ABCC1: variants seen among roughly 807,000 people sequenced by gnomAD.
ABCC1 encodes multidrug resistance-associated protein 1.
Under a neutral mutation model 172.9 loss-of-function variants are expected in ABCC1, and 83 were observed. That is an observed-to-expected ratio of 0.48 (90% CI 0.40 to 0.58). ABCC1 has a LOEUF of 0.58. Ranked by LOEUF, ABCC1 falls within the 20% of genes least tolerant of loss-of-function variation. The pLI, the probability that ABCC1 is intolerant of heterozygous loss-of-function variation, is 0.00. For synonymous variants in ABCC1, 937 were observed against 825.2 expected (o/e 1.14, Z -2.32); for missense variants, 1,817 against 2,002.7 (o/e 0.91, Z 1.77).
intron 18 of ABCC1, among the ~76,000 whole-genome samples, chr16:16,089,049 G>C (rs1227601358): frequency 1.3e-5 from 2 of 152,126 alleles, no homozygotes; most frequent in Non-Finnish European, 2.9e-5. Flanking sequence ...CAACTCGGCA[G>C]GGCTGAGTTG....
chr16:15,969,928 CT>C (rs1435695793), intron 1 of ABCC1, among the ~76,000 whole-genome samples: 1 of 152,072 alleles, frequency 6.6e-6, no homozygotes, highest in African/African-American at 2.4e-5. Flanking sequence ...GGTTCCCTGC[CT>C]TCCTTGAGCC....
intron 22 of ABCC1, 66 bp from the exon 23 acceptor site, chr16:16,114,700 T>C: frequency 6.8e-7 from 1 of 1,476,888 alleles, no homozygotes; most frequent in Admixed American, 2.1e-5. Context: ...ACATGGCCAC[T>C]CCTCCCTGCA....
At chr16:16,125,625 G>C (rs944116036) in intron 25 of ABCC1, among the ~76,000 whole-genome samples, 185 bp from the exon 26 acceptor site, 3 of 151,206 alleles carry the variant, frequency 2.0e-5, no homozygotes, top group African/African-American at 4.9e-5. Context: ...GACTGATGGG[G>C]TTTCGCCACA....
At chr16:16,047,857 C>T (rs745355417) in intron 9 of ABCC1, among the ~76,000 whole-genome samples, 6 of 150,904 alleles carry the variant, frequency 4.0e-5, no homozygotes, top group African/African-American at 4.9e-5. Context: ...AAAACCCGGC[C>T]GCATGTGTGC....
At chr16:15,957,032 A>C (rs2046013045) in intron 1 of ABCC1, among the ~76,000 whole-genome samples, 1 of 152,130 alleles carries the variant, frequency 6.6e-6, no homozygotes, top group Non-Finnish European at 1.5e-5. Flanking sequence ...TCTGGAATGA[A>C]CACTCAGATA....
intron 5 of ABCC1, among the ~76,000 whole-genome samples, chr16:16,029,077 C>T (rs1016717192): frequency 6.6e-6 from 1 of 152,198 alleles, no homozygotes; most frequent in African/African-American, 2.4e-5. Context: ...CTGGGAACTT[C>T]ATCACCCCTC....
intron 29 of ABCC1, among the ~76,000 whole-genome samples, chr16:16,137,799 C>T (rs1018254224): frequency 3.3e-5 from 5 of 151,990 alleles, no homozygotes; most frequent in East Asian, 1.9e-4. Flanking sequence ...GCGATCCACC[C>T]GCCTTAGCCT....
At chr16:15,964,839 A>G (rs1182608236) in intron 1 of ABCC1, among the ~76,000 whole-genome samples, 1 of 152,160 alleles carries the variant, frequency 6.6e-6, no homozygotes, top group Non-Finnish European at 1.5e-5. Flanking sequence ...CTGCATTTCA[A>G]TTACAATTAG....
chr16:15,966,459 G>A (rs560765412), intron 1 of ABCC1, among the ~76,000 whole-genome samples: 2 of 150,732 alleles, frequency 1.3e-5, no homozygotes, highest in African/African-American at 4.9e-5. Context: ...CATCAGCCTT[G>A]TAAGGCTGGA....
chr16:16,081,753 C>T (rs527630998), intron 16 of ABCC1, among the ~76,000 whole-genome samples: 1 of 152,300 alleles, frequency 6.6e-6, no homozygotes, highest in Non-Finnish European at 1.5e-5. Context: ...GGCGCGGTGG[C>T]TCACATCTGT....
rs1050192834 is a variant in ABCC1, at chr16:15,962,355, C to G, written c.48+12556C>G. On this transcript the variant is annotated intron_variant, in intron 1 of 30. Coordinates refer to ENST00000399410, the MANE Select transcript of ABCC1 (RefSeq NM_004996.4). ...TGATAGTCTCACCATGCTAATGTCACTCTGATTTTTACACCTAAACTAATT... is the reference window on the plus strand; with the variant it reads ...TGATAGTCTCACCATGCTAATGTCAGTCTGATTTTTACACCTAAACTAATT... 1.1e-4 allele frequency among the ~76,000 whole-genome samples: 16 copies of G among 152,312 alleles called. No individual in the cohort carries two copies. The South Asian group carries it at 1.7e-3, about 16-fold the overall frequency.
At position 16,133,248 on chromosome 16, in the gene ABCC1, G is replaced by A. The variant is rs758258149; in HGVS notation, c.3967-1102G>A. 5.3e-5 allele frequency among the ~76,000 whole-genome samples: 8 copies of A among 152,292 alleles called. 1 individual carries two copies. In the South Asian group the frequency reaches 1.5e-3, roughly 28 times the overall value. ...GGGGGACAAGGCTGCTTTCACCTCT[G>A]AACATATGGACTTATTGAACTGTTC... On this transcript the variant is annotated intron_variant, in intron 27 of 30. Coordinates refer to ENST00000399410, the MANE Select transcript of ABCC1 (RefSeq NM_004996.4).
Position 16,038,157 on chromosome 16 carries a change from TGATA to T in ABCC1, c.809+1562_809+1565del, listed in dbSNP as rs575988810. Among the ~76,000 whole-genome samples, 54 of 152,006 alleles carry T rather than the reference TGATA, an allele frequency of 3.6e-4. No homozygotes were observed. The East Asian group carries it at 6.8e-3, about 19-fold the overall frequency. On this transcript the variant is annotated intron_variant, in intron 7 of 30. Coordinates refer to ENST00000399410, the MANE Select transcript of ABCC1 (RefSeq NM_004996.4). ...TATACATGGTAGGTAGATGGATAGA[TGATA>T]GATAGATGGATGATTGATAGATGAT...
intron 7 of ABCC1, among the ~76,000 whole-genome samples, chr16:16,043,154 C>T (rs2049043409): frequency 6.6e-6 from 1 of 150,980 alleles, no homozygotes. Flanking sequence ...TGAACCACTG[C>T]ACCCAGTCAA....
At chr16:15,982,645 C>CAA (rs35126918) in intron 1 of ABCC1, among the ~76,000 whole-genome samples, 146 of 130,042 alleles carry the variant, frequency 1.1e-3, no homozygotes, top group African/African-American at 4.0e-3. Flanking sequence ...CTGTCTCTAC[C>CAA]AAAAAAAAAA....
At chr16:16,066,909 A>T (rs987988504) in intron 12 of ABCC1, among the ~76,000 whole-genome samples, 2 of 151,968 alleles carry the variant, frequency 1.3e-5, no homozygotes, top group Admixed American at 6.6e-5. Context: ...TCTCAAAAAA[A>T]AAAAAAGTAT....
intron 7 of ABCC1, among the ~76,000 whole-genome samples, chr16:16,042,757 T>G (rs2049026206): frequency 6.6e-6 from 1 of 152,230 alleles, no homozygotes; most frequent in South Asian, 2.1e-4. Flanking sequence ...GGTGACAGCT[T>G]TATTGAGATA....
chr16:16,142,655 C>A lies in ABCC1; in HGVS notation c.*1374C>A, dbSNP rs966539504. 3 of 151,752 alleles carry A rather than the reference C, an allele frequency of 2.0e-5. No homozygotes were observed. Among genetic ancestry groups the A allele is most frequent in the Non-Finnish European group, 4.4e-5 (3 of 67,978 alleles). The allele number at this position is 151,752 out of a possible 1,614,324, so 9.4% of individuals were successfully genotyped here. On this transcript the variant is annotated 3_prime_UTR_variant, in exon 31 of 31. Transcript: ENST00000399410. ...GAGAAAAACAGTCTCAAAACTTGAA[C>A]TTCTTGGGAATAGAAGTGTTGGGCT...
intron 3 of ABCC1, among the ~76,000 whole-genome samples, chr16:16,013,181 T>C (rs2047858731): frequency 6.6e-6 from 1 of 152,088 alleles, no homozygotes; most frequent in Admixed American, 6.6e-5. Flanking sequence ...CCAGCTCAGC[T>C]GTGAATGTGT....
Sources: allele counts gnomAD v4.1 joint callset (sites outside exome capture counted in the v4.1 genomes callset), GRCh38; gene constraint gnomAD v4.1.1; transcripts MANE v1.5; gene names NCBI Gene and HGNC (gene_info 2026-07-23, HGNC 2026-07-21).